WAC: variants seen among roughly 807,000 people sequenced by gnomAD.
WAC encodes WW domain containing adaptor with coiled-coil.
WAC carries 11 observed loss-of-function variants against 79.6 expected under a neutral mutation model. The observed-to-expected ratio is 0.14, with a 90% CI of 0.09 to 0.23. The LOEUF (loss-of-function observed/expected upper bound fraction) is 0.23, where lower values mean the gene tolerates loss of function less well. Among genes scored for constraint, WAC ranks in the 10% least tolerant of loss-of-function variants. WAC has a pLI of 1.00. For missense variants in WAC, 728 were observed against 773.5 expected, an observed-to-expected ratio of 0.94 and a Z score of 0.70; for synonymous variants, 304 against 276.9, an observed-to-expected ratio of 1.10 and a Z score of -0.97.
At chr10:28,607,655 T>C (rs997194118) in intron 7 of WAC, among the ~76,000 whole-genome samples, 5 of 152,210 alleles carry the variant, frequency 3.3e-5, no homozygotes, top group Non-Finnish European at 7.4e-5. Flanking sequence ...TATAAAAGTC[T>C]CTTCTCATCA....
chr10:28,566,923 G>T, intron 3 of WAC, among the ~76,000 whole-genome samples: 1 of 143,542 alleles, frequency 7.0e-6, no homozygotes, highest in Non-Finnish European at 1.5e-5. Flanking sequence ...GGGAAGTTTT[G>T]TTTTATTATC....
rs773744216 is a variant in WAC at position 28,595,961 on chromosome 10, T to C, written c.839T>C (p.Phe280Ser). ...LQSDHQPKKSFDANGASTLSK... is the reference protein window; with the variant it reads ...LQSDHQPKKSSDANGASTLSK... Reference sequence around the variant, plus strand: ...TCTGATCACCAGCCAAAGAAATCATTTGATGCTAATGGAGCATCTACTTTA... The same window carrying C: ...TCTGATCACCAGCCAAAGAAATCATCTGATGCTAATGGAGCATCTACTTTA... Residue 280 changes from phenylalanine to serine, a missense_variant, in exon 7 of 14, where the codon TTT (phenylalanine) becomes TCT (serine). Physicochemically the swap from Phe to Ser is radical, Grantham distance 155 (BLOSUM62 -2). This residue lies in a region of WAC where 648 missense variants were observed against 661.5 expected (regional missense o/e 0.98). Coordinates refer to ENST00000354911, the MANE Select transcript of WAC (RefSeq NM_016628.5). The C allele has an allele frequency of 9.3e-6, 15 of 1,614,136 alleles. No individual in the cohort carries two copies. Among genetic ancestry groups the C allele is most frequent in the East Asian group, 2.2e-5 (1 of 44,880 alleles).
At chr10:28,599,419 GCCTATACAA>G (rs1840531179) in intron 7 of WAC, among the ~76,000 whole-genome samples, 1 of 152,148 alleles carries the variant, frequency 6.6e-6, no homozygotes, top group Non-Finnish European at 1.5e-5. Context: ...TGTTGTAGAT[GCCTATACAA>G]CAGTGTGTAA....
chr10:28,582,231 G>A (rs945285614), intron 3 of WAC, among the ~76,000 whole-genome samples: 2 of 152,158 alleles, frequency 1.3e-5, no homozygotes, highest in African/African-American at 4.8e-5. Context: ...CTGCTTACAT[G>A]CAAAGCAGTT....
At chr10:28,566,251 T>C (rs914297464) in intron 3 of WAC, among the ~76,000 whole-genome samples, 1 of 152,130 alleles carries the variant, frequency 6.6e-6, no homozygotes, top group Non-Finnish European at 1.5e-5. Flanking sequence ...TAAGTGAGTA[T>C]TGTGTGTGCA....
At chr10:28,572,914 C>T (rs1839052501) in intron 3 of WAC, among the ~76,000 whole-genome samples, 1 of 152,118 alleles carries the variant, frequency 6.6e-6, no homozygotes, top group Non-Finnish European at 1.5e-5. Context: ...ATAAGTATCT[C>T]ATTTTAGACT....
At position 28,616,366 on chromosome 10, in the gene WAC, T is replaced by C. The variant is rs370224925; in HGVS notation, c.1746+4T>C. 133 of 1,589,384 alleles carry C rather than the reference T, an allele frequency of 8.4e-5. No homozygotes were observed. The highest frequency in any genetic ancestry group is 1.1e-4 in the Non-Finnish European group (126 of 1,164,646). ...TGCAGATCATGCAGAGAAGCAGGTA[T>C]GTTATGTACAGCCTAGATTTTACCT... On this transcript the variant is annotated splice_donor_region_variant and intron_variant, in intron 12 of 13. Transcript: ENST00000354911.
At chr10:28,602,362 A>G (rs886730154) in intron 7 of WAC, among the ~76,000 whole-genome samples, 2 of 152,244 alleles carry the variant, frequency 1.3e-5, no homozygotes, top group African/African-American at 4.8e-5. Context: ...AAGTTCTAGA[A>G]GGATACATGA....
intron 3 of WAC, among the ~76,000 whole-genome samples, chr10:28,538,080 C>T (rs1836778320): frequency 6.6e-6 from 1 of 152,092 alleles, no homozygotes; most frequent in African/African-American, 2.4e-5. Flanking sequence ...TATCTCCATT[C>T]TGGAATTGAG....
chr10:28,544,902 A>G (rs923352991), intron 3 of WAC, among the ~76,000 whole-genome samples: 2 of 152,060 alleles, frequency 1.3e-5, no homozygotes, highest in African/African-American at 4.8e-5. Flanking sequence ...TGTCTCTACT[A>G]AAAATACAAA....
chr10:28,541,177 G>A (rs765286823), intron 3 of WAC, among the ~76,000 whole-genome samples: 1 of 151,904 alleles, frequency 6.6e-6, no homozygotes, highest in Non-Finnish European at 1.5e-5. Context: ...CATACTTGGG[G>A]TTTTGGTCTG....
intron 3 of WAC, among the ~76,000 whole-genome samples, chr10:28,554,729 C>CATTA (rs1348501107): frequency 6.6e-6 from 1 of 152,206 alleles, no homozygotes; most frequent in African/African-American, 2.4e-5. Context: ...GAAGCACAGA[C>CATTA]ATTACAGTGG....
intron 8 of WAC, among the ~76,000 whole-genome samples, chr10:28,609,360 C>T (rs1238413520): frequency 1.3e-5 from 2 of 152,074 alleles, no homozygotes; most frequent in Non-Finnish European, 2.9e-5. Flanking sequence ...AAGACCCCAT[C>T]TCAAAATAAA....
chr10:28,586,466 T>C (rs11593248), intron 4 of WAC, among the ~76,000 whole-genome samples: 34,308 of 151,888 alleles, frequency 0.23, 4,691 homozygotes, highest in Non-Finnish European at 0.28. Context: ...ACTTGAGGCT[T>C]GGAGTTTAAA....
Position 28,615,224 on chromosome 10 carries a change from TTGAA to T in WAC, c.1556+546_1556+549del, listed in dbSNP as rs1396146759. On this transcript the variant is annotated intron_variant, in intron 11 of 13. Coordinates refer to ENST00000354911, the MANE Select transcript of WAC (RefSeq NM_016628.5). The stretch of plus-strand genomic sequence containing the variant: ...ACAACACAACTTTAAATGACATTTG[TTGAA>T]TGAATGGTTTTCATTTGATTGATTT... The T allele has an allele frequency of 2.0e-5, 3 of 152,358 alleles. No individual in the cohort carries two copies. In the East Asian group the frequency reaches 5.8e-4, roughly 29 times the overall value. The allele number at this position is 152,358 out of a possible 1,614,324, so 9.4% of individuals were successfully genotyped here.
chr10:28,574,449 G>A (rs956330402), intron 3 of WAC, among the ~76,000 whole-genome samples: 5 of 151,624 alleles, frequency 3.3e-5, no homozygotes, highest in African/African-American at 1.2e-4. Context: ...TGCACGGCCT[G>A]TTGCTGTTTT....
chr10:28,614,756 A>G (rs1395220692), intron 11 of WAC, 71 bp downstream of exon 11: 4 of 1,233,084 alleles, frequency 3.2e-6, no homozygotes, highest in African/African-American at 1.5e-5. Flanking sequence ...TTTGAATATT[A>G]TATCTGTAAA....
intron 3 of WAC, 99 bp from the exon 4 acceptor site, chr10:28,583,300 T>G: frequency 1.2e-6 from 1 of 849,030 alleles, no homozygotes; most frequent in Non-Finnish European, 1.8e-6. Context: ...AGATGTTCGT[T>G]TAGAGATATA....
intron 9 of WAC, chr10:28,611,541 A>G: frequency 7.3e-7 from 1 of 1,371,358 alleles, no homozygotes. Flanking sequence ...CAGCCACATA[A>G]AGGAGAGTGG....
Sources: allele counts gnomAD v4.1 joint callset (sites outside exome capture counted in the v4.1 genomes callset), GRCh38; gene constraint gnomAD v4.1.1; regional missense constraint gnomAD v4.1.1; transcripts MANE v1.5; gene names NCBI Gene and HGNC (gene_info 2026-07-23, HGNC 2026-07-21).